The following TMC1 variants were observed in gnomAD, a reference collection of about 807,000 sequenced individuals.
TMC1 encodes the protein transmembrane channel-like protein 1.
In TMC1, 84 loss-of-function variants were observed where a neutral mutation model predicts 105.8. The ratio of observed to expected loss-of-function variants is 0.79; its 90% CI spans 0.67 to 0.95. The LOEUF (loss-of-function observed/expected upper bound fraction) is 0.95. Among genes scored for constraint, TMC1 ranks in the 40% least tolerant of loss-of-function variants. The probability of loss-of-function intolerance (pLI) is 0.00; values close to 1 mark genes in which losing one functional copy is unlikely to be tolerated. For missense variants in TMC1, 817 were observed against 914.1 expected, an observed-to-expected ratio of 0.89 and a Z score of 1.37; for synonymous variants, 315 against 311.5, an observed-to-expected ratio of 1.01 and a Z score of -0.12.
At chr9:72,799,814 G>T (rs1349470005) in intron 17 of TMC1, among the ~76,000 whole-genome samples, 1 of 152,164 alleles carries the variant, frequency 6.6e-6, no homozygotes, top group Non-Finnish European at 1.5e-5. Context: ...GGACTTTGCA[G>T]ATGAAATTAA....
intron 8 of TMC1, among the ~76,000 whole-genome samples, chr9:72,707,774 C>T (rs533649113): frequency 4.6e-5 from 7 of 151,960 alleles, no homozygotes; most frequent in Non-Finnish European, 1.0e-4. Context: ...TTAAGTCCCA[C>T]TTATTTATCT....
chr9:72,733,502 T>C (rs1176201462), intron 8 of TMC1, among the ~76,000 whole-genome samples: 1 of 152,176 alleles, frequency 6.6e-6, no homozygotes, highest in Non-Finnish European at 1.5e-5. Context: ...CTTTGTAGTT[T>C]GGAGATTCAG....
intron 20 of TMC1, among the ~76,000 whole-genome samples, chr9:72,822,514 T>TTGTGTGTGTG (rs368968408): frequency 2.7e-3 from 365 of 135,856 alleles, no homozygotes; most frequent in Middle Eastern, 7.5e-3. Context: ...GTTAATTCCG[T>TTGTGTGTGTG]TGTGTGTGTG....
In TMC1 at chr9:72,714,870, T is replaced by C. The variant is rs539143347; in HGVS notation, c.362+14227T>C. ...ATTTCTTCATAGCGTTGATGGTCTT[T>C]ACAATTTAGTATGTTTTTGCAGCGG... On this transcript the variant is annotated intron_variant, in intron 8 of 23. Coordinates refer to ENST00000297784, the MANE Select transcript of TMC1 (RefSeq NM_138691.3). Among the ~76,000 whole-genome samples, 3 of 152,358 alleles carry C rather than the reference T, an allele frequency of 2.0e-5. No individual in the cohort carries two copies. In the South Asian group the frequency reaches 6.2e-4, roughly 32 times the overall value.
At chr9:72,818,687 GA>G (rs1828827034) in intron 19 of TMC1, 1 of 152,198 alleles carries the variant, frequency 6.6e-6, no homozygotes, top group African/African-American at 2.4e-5. Flanking sequence ...AGGAAGAAAA[GA>G]ATTTTATAAG....
At chr9:72,699,415 T>A (rs755804877) in intron 7 of TMC1, among the ~76,000 whole-genome samples, 2 of 152,174 alleles carry the variant, frequency 1.3e-5, no homozygotes, top group Non-Finnish European at 2.9e-5. Context: ...GAAATAGATT[T>A]TTATTTTTCC....
At chr9:72,821,126 G>C (rs1239502407) in intron 20 of TMC1, 45 bp downstream of exon 20, 2 of 1,613,232 alleles carry the variant, frequency 1.2e-6, no homozygotes, top group African/African-American at 1.3e-5. Flanking sequence ...GTTCTTTCGG[G>C]GGTGGAGGTG....
intron 8 of TMC1, among the ~76,000 whole-genome samples, chr9:72,702,601 T>A (rs1185324645): frequency 6.6e-6 from 1 of 151,636 alleles, no homozygotes; most frequent in Non-Finnish European, 1.5e-5. Flanking sequence ...ACAAGAGAGA[T>A]GGAGAGAATT....
chr9:72,584,683 G>A (rs1033746856), intron 2 of TMC1, among the ~76,000 whole-genome samples: 2 of 151,828 alleles, frequency 1.3e-5, no homozygotes, highest in African/African-American at 2.4e-5. Flanking sequence ...GAGGTGAGGC[G>A]AGTAGAATTT....
intron 5 of TMC1, among the ~76,000 whole-genome samples, chr9:72,681,067 G>C (rs1478138132): frequency 6.6e-6 from 1 of 152,082 alleles, no homozygotes; most frequent in African/African-American, 2.4e-5. Flanking sequence ...GCTGCTAAGA[G>C]GTTATAATGC....
rs45579631 is a variant in TMC1 at position 72,628,333 on chromosome 9, T to C, written c.-53+270T>C. ...GATACATTCTGAACAAATACTTGTG[T>C]CATCCTCAACTGTATAGTTTTTATG... On this transcript the variant is annotated intron_variant, in intron 4 of 23. Transcript: ENST00000297784. The C allele has an allele frequency of 1.6e-3, 365 of 234,002 alleles. 2 individuals are homozygous for C. Among genetic ancestry groups the C allele is most frequent in the Non-Finnish European group, 2.3e-3 (268 of 114,632 alleles). The allele number at this position is 234,002 out of a possible 1,614,324, so 14.5% of individuals were successfully genotyped here. A position where few individuals can be genotyped will look rare whatever the true frequency, so the allele number is the denominator to read the frequency against.
chr9:72,802,273 A>G (rs972607409), intron 17 of TMC1, among the ~76,000 whole-genome samples: 3 of 152,058 alleles, frequency 2.0e-5, no homozygotes, highest in African/African-American at 2.4e-5. Flanking sequence ...ATACATACAT[A>G]CATACATACA....
At chr9:72,621,028 T>G (rs1825239696) in intron 3 of TMC1, among the ~76,000 whole-genome samples, 2 of 152,214 alleles carry the variant, frequency 1.3e-5, no homozygotes, top group Admixed American at 1.3e-4. Flanking sequence ...GTGAGCCACT[T>G]AGAAGAAGGC....
intron 9 of TMC1, chr9:72,741,753 A>T (rs182720116): frequency 1.3e-5 from 2 of 152,536 alleles, no homozygotes. Context: ...ATTTGCATAC[A>T]TGCAAAATTC....
intron 6 of TMC1, among the ~76,000 whole-genome samples, chr9:72,690,518 T>C (rs1429005881): frequency 6.6e-6 from 1 of 152,138 alleles, no homozygotes; most frequent in Non-Finnish European, 1.5e-5. Context: ...AAGAAAAGTC[T>C]AGGGGTGATT....
At chr9:72,811,046 G>A (rs996013869) in intron 18 of TMC1, among the ~76,000 whole-genome samples, 2 of 152,064 alleles carry the variant, frequency 1.3e-5, no homozygotes, top group Non-Finnish European at 2.9e-5. Flanking sequence ...AAAGTTAGGT[G>A]GATTTTGACA....
rs552548152 is a variant in TMC1, at chr9:72,821,740, T to C, written c.2003+659T>C. On this transcript the variant is annotated intron_variant, in intron 20 of 23. Transcript: ENST00000297784. ...ACAGTGGTCTGGATGTGAGTTTGCCTGACTCTGGGCCGTCACATCCAGACG... is the reference window on the plus strand; with the variant it reads ...ACAGTGGTCTGGATGTGAGTTTGCCCGACTCTGGGCCGTCACATCCAGACG... Among the ~76,000 whole-genome samples, 17 of 152,318 alleles carry C rather than the reference T, an allele frequency of 1.1e-4. No homozygotes were observed. In the East Asian group the frequency reaches 3.3e-3, roughly 29 times the overall value.
intron 5 of TMC1, among the ~76,000 whole-genome samples, chr9:72,681,402 G>T (rs961016700): frequency 2.7e-4 from 40 of 148,574 alleles, no homozygotes; most frequent in African/African-American, 8.9e-4. Flanking sequence ...TTTTTTTTTT[G>T]AAAAAGCCAG....
At chr9:72,575,796 A>T (rs1824368982) in intron 1 of TMC1, among the ~76,000 whole-genome samples, 1 of 152,028 alleles carries the variant, frequency 6.6e-6, no homozygotes, top group Admixed American at 6.6e-5. Flanking sequence ...TTACTTCACA[A>T]TCCAGGGCTT....
Sources: gnomAD v4.1 joint callset for allele counts (sites outside exome capture counted in the v4.1 genomes callset) on GRCh38, gnomAD v4.1.1 for gene constraint, MANE v1.5 for transcripts, NCBI Gene and HGNC (gene_info 2026-07-23, HGNC 2026-07-21) for gene names.